DAAM1: variants seen among roughly 807,000 people sequenced by gnomAD.
DAAM1 encodes dishevelled associated activator of morphogenesis 1.
DAAM1 carries 52 observed loss-of-function variants against 130.0 expected under a neutral mutation model. The observed-to-expected ratio is 0.40, with a 90% confidence interval of 0.32 to 0.50. DAAM1 has a LOEUF of 0.50. Among genes scored for constraint, DAAM1 ranks in the 20% least tolerant of loss-of-function variants. DAAM1 has a pLI of 0.61. For missense variants in DAAM1, 1,134 were observed against 1,303.8 expected, an observed-to-expected ratio of 0.87 and a Z score of 2.01; for synonymous variants, 452 against 444.5, an observed-to-expected ratio of 1.02 and a Z score of -0.21.
At chr14:59,254,704 G>T (rs1292585902) in intron 1 of DAAM1, among the ~76,000 whole-genome samples, 2 of 152,162 alleles carry the variant, frequency 1.3e-5, no homozygotes, top group African/African-American at 4.8e-5. Context: ...TTTCTGTCAC[G>T]TGAACAGCAC....
At chr14:59,218,210 G>T (rs1888653493) in intron 1 of DAAM1, among the ~76,000 whole-genome samples, 1 of 152,210 alleles carries the variant, frequency 6.6e-6, no homozygotes, top group Non-Finnish European at 1.5e-5. Context: ...CCACGTGCAG[G>T]CTAGTGGCTA....
chr14:59,355,365 GC>G, intron 20 of DAAM1, 32 bp downstream of exon 20: 1 of 1,611,828 alleles, frequency 6.2e-7, no homozygotes, highest in Non-Finnish European at 8.5e-7. Flanking sequence ...ACTTGGGGGA[GC>G]CAGGTGTGTA....
At chr14:59,321,584 A>G (rs919661676) in intron 5 of DAAM1, among the ~76,000 whole-genome samples, 10 of 152,174 alleles carry the variant, frequency 6.6e-5, no homozygotes, top group Non-Finnish European at 1.0e-4. Context: ...ATTTGCTGAG[A>G]TGCTGAGGTT....
At chr14:59,237,199 G>T (rs927932557) in intron 1 of DAAM1, among the ~76,000 whole-genome samples, 22 of 152,160 alleles carry the variant, frequency 1.4e-4, no homozygotes, top group African/African-American at 5.3e-4. Flanking sequence ...TTAGTTTTCA[G>T]CCAGGGAAAT....
intron 1 of DAAM1, among the ~76,000 whole-genome samples, chr14:59,251,524 C>T (rs1881642257): frequency 6.6e-6 from 1 of 150,956 alleles, no homozygotes; most frequent in East Asian, 2.0e-4. Context: ...GAAGGGAGGT[C>T]GGGCAAGTTC....
chr14:59,263,144 G>T (rs978989975), intron 1 of DAAM1, among the ~76,000 whole-genome samples: 5 of 152,218 alleles, frequency 3.3e-5, no homozygotes, highest in African/African-American at 4.8e-5. Context: ...AAGGGAATGT[G>T]ATGTACAAAG....
Position 59,245,054 on chromosome 14 carries a change from C to T in DAAM1, c.-37-18387C>T, listed in dbSNP as rs113645560. The stretch of plus-strand genomic sequence containing the variant: ...GATGATCTCAGGGAAGGGAAAAGGA[C>T]GGGGGGGCCAGGGGAAAGGTGATGT... On this transcript the variant is annotated intron_variant, in intron 1 of 24. Transcript: ENST00000360909. Among the ~76,000 whole-genome samples, 10 of 151,850 alleles carry T rather than the reference C, an allele frequency of 6.6e-5. 1 individual carries two copies. The highest frequency in any genetic ancestry group is 1.7e-4 in the African/African-American group (7 of 41,356).
At chr14:59,309,168 C>G (rs1476237776) in intron 3 of DAAM1, among the ~76,000 whole-genome samples, 3 of 152,174 alleles carry the variant, frequency 2.0e-5, no homozygotes, top group Non-Finnish European at 4.4e-5. Flanking sequence ...TTTAAATCTC[C>G]TACTACTTTT....
chr14:59,225,032 T>TG (rs932892728), intron 1 of DAAM1, among the ~76,000 whole-genome samples: 7 of 140,590 alleles, frequency 5.0e-5, no homozygotes, highest in African/African-American at 1.9e-4. Context: ...TTTTTTTTTT[T>TG]TTTTTTTTTT....
intron 2 of DAAM1, chr14:59,265,738 G>C (rs772061635): frequency 3.3e-5 from 5 of 152,252 alleles, no homozygotes; most frequent in African/African-American, 7.2e-5. Flanking sequence ...ATTGCTTGCT[G>C]TGCTGTGTGT....
At chr14:59,353,202 T>G (rs542005243) in intron 18 of DAAM1, among the ~76,000 whole-genome samples, 1 of 152,298 alleles carries the variant, frequency 6.6e-6, no homozygotes, top group African/African-American at 2.4e-5. Context: ...GTAATTGGGT[T>G]TGGCATATGA....
intron 23 of DAAM1, among the ~76,000 whole-genome samples, chr14:59,366,541 A>G (rs375086228): frequency 2.0e-5 from 3 of 152,318 alleles, no homozygotes; most frequent in African/African-American, 7.2e-5. Context: ...TATTAGTTTT[A>G]TGTCTAGGGT....
chr14:59,212,171 T>C (rs1363013101), intron 1 of DAAM1, among the ~76,000 whole-genome samples: 1 of 152,242 alleles, frequency 6.6e-6, no homozygotes, highest in Non-Finnish European at 1.5e-5. Flanking sequence ...GGCTTGCATT[T>C]ACTGAGGTTC....
rs528563199 is a variant in DAAM1 at position 59,264,406 on chromosome 14, C to T, written c.183+746C>T. On this transcript the variant is annotated intron_variant, in intron 2 of 24. Coordinates refer to ENST00000360909, the MANE Select transcript of DAAM1 (RefSeq NM_001270520.2). ...CATAGGACTTAGGAAGACTTTTTTT[C>T]AAATCACTGCTTTGATTTTATCTTC... 3 of 152,116 alleles carry T rather than the reference C, an allele frequency of 2.0e-5. No individual in the cohort carries two copies. In the East Asian group the frequency reaches 5.8e-4, roughly 29 times the overall value. The allele number at this position is 152,116 out of a possible 1,614,324, so 9.4% of individuals were successfully genotyped here. A position where few individuals can be genotyped will look rare whatever the true frequency, so the allele number is the denominator to read the frequency against.
chr14:59,310,196 C>T (rs576366460), intron 3 of DAAM1, among the ~76,000 whole-genome samples: 60 of 151,430 alleles, frequency 4.0e-4, no homozygotes, highest in Middle Eastern at 3.4e-3. Flanking sequence ...CTGCAACCTC[C>T]GCCTCCCGGT....
chr14:59,352,494 C>T, intron 17 of DAAM1, 32 bp from the exon 18 acceptor site: 1 of 1,539,042 alleles, frequency 6.5e-7, no homozygotes, highest in African/African-American at 1.4e-5. Flanking sequence ...AAGTGATAAA[C>T]CTCAGTTTTA....
chr14:59,316,868 A>G (rs889881777), intron 4 of DAAM1, among the ~76,000 whole-genome samples: 3 of 152,220 alleles, frequency 2.0e-5, no homozygotes, highest in Non-Finnish European at 4.4e-5. Context: ...CCCTTCTATA[A>G]ATGGGGAACT....
In DAAM1 at chr14:59,323,190, T is replaced by C; in HGVS notation, c.739T>C (p.Tyr247His). The C allele has an allele frequency of 6.2e-7, 1 of 1,612,104 alleles. No homozygotes were observed. Among genetic ancestry groups the C allele is most frequent in the South Asian group, 1.1e-5 (1 of 90,892 alleles). The change falls in exon 6 of 25, where the codon TAC becomes CAC. Residue 247 changes from tyrosine (Y) to histidine (H), a missense_variant. Tyr to His is a moderately conservative substitution (Grantham distance 83). This residue lies in a region of DAAM1 where 391 missense variants were observed against 521.6 expected (regional missense o/e 0.75). Transcript: ENST00000360909. Reference protein sequence around the residue: ...HKKVLQAMLHYQKYASERTRF... With the variant: ...HKKVLQAMLHHQKYASERTRF... ...GAAGGTTCTGCAGGCCATGCTGCACTACCAGAAGTATGCCAGCGAAAGGAC... is the reference window on the plus strand; with the variant it reads ...GAAGGTTCTGCAGGCCATGCTGCACCACCAGAAGTATGCCAGCGAAAGGAC...
In DAAM1 at chr14:59,371,378, A is replaced by G. The variant is rs1289205842; in HGVS notation, c.*2519A>G. 2 of 152,196 alleles carry G rather than the reference A, an allele frequency of 1.3e-5. No individual in the cohort carries two copies. Among genetic ancestry groups the G allele is most frequent in the Admixed American group, 6.5e-5 (1 of 15,272 alleles). The allele number at this position is 152,196 out of a possible 1,614,324, so 9.4% of individuals were successfully genotyped here. On this transcript the variant is annotated 3_prime_UTR_variant, in exon 25 of 25. Coordinates refer to ENST00000360909, the MANE Select transcript of DAAM1 (RefSeq NM_001270520.2). Reference sequence around the variant, plus strand: ...GTTTTTTTAAAAATAGCAATATGCAATAAAGAGATGAATTCATTGGGTGTA... The same window carrying G: ...GTTTTTTTAAAAATAGCAATATGCAGTAAAGAGATGAATTCATTGGGTGTA...
Sources: gnomAD v4.1 joint callset for allele counts (sites outside exome capture counted in the v4.1 genomes callset) on GRCh38, gnomAD v4.1.1 for gene constraint, gnomAD v4.1.1 regional missense constraint, MANE v1.5 for transcripts, NCBI Gene and HGNC (gene_info 2026-07-23, HGNC 2026-07-21) for gene names.